PARD3: variants seen among roughly 807,000 people sequenced by gnomAD.
PARD3 encodes partitioning defective 3 homolog.
In PARD3, 75 loss-of-function variants were observed where a neutral mutation model predicts 155.4. That is an observed-to-expected ratio of 0.48 (90% CI 0.40 to 0.58). The LOEUF (loss-of-function observed/expected upper bound fraction) is 0.58, where lower values mean the gene tolerates loss of function less well. Among genes scored for constraint, PARD3 ranks in the 20% least tolerant of loss-of-function variants. The probability of loss-of-function intolerance (pLI) is 0.00; values close to 1 mark genes in which losing one functional copy is unlikely to be tolerated. For missense variants in PARD3, 1,642 were observed against 1,721.7 expected (o/e 0.95, Z 0.82); for synonymous variants, 576 against 610.5 (o/e 0.94, Z 0.83).
In PARD3 at chr10:34,227,145, A is replaced by G. The variant is rs60987405; in HGVS notation, c.3419+42512T>C. Among the ~76,000 whole-genome samples, 1,288 of 152,378 alleles carry G rather than the reference A, an allele frequency of 8.5e-3. 28 individuals carry two copies. Among genetic ancestry groups the G allele is most frequent in the African/African-American group, 0.029 (1,218 of 41,596 alleles). On this transcript the variant is annotated intron_variant, in intron 22 of 24. Transcript: ENST00000374788. ...GACAAAGGTCTAATATCTGGAATCT[A>G]TAAGAAACTTAAATCAACATGCAAA...
At chr10:34,375,081 C>A in intron 10 of PARD3, 79 bp from the exon 11 acceptor site, 2 of 960,668 alleles carry the variant, frequency 2.1e-6, no homozygotes, top group Non-Finnish European at 3.2e-6. Context: ...CACACACACA[C>A]ACACACACAC....
intron 1 of PARD3, among the ~76,000 whole-genome samples, chr10:34,700,384 A>T (rs538452630): frequency 1.3e-5 from 2 of 152,356 alleles, no homozygotes; most frequent in African/African-American, 4.8e-5. Context: ...TGGTAAGAGA[A>T]AACAGTGCAA....
chr10:34,538,785 C>T (rs928225218), intron 2 of PARD3, among the ~76,000 whole-genome samples: 31 of 152,206 alleles, frequency 2.0e-4, no homozygotes, highest in Admixed American at 6.5e-5. Context: ...GGCGCCGCTC[C>T]GGCAGGGCAC....
rs146657203 is a variant in PARD3 at position 34,611,931 on chromosome 10, C to CT, written c.222+84386_222+84387insA. Among the ~76,000 whole-genome samples, 158 of 56,684 alleles carry CT rather than the reference C, an allele frequency of 2.8e-3. 2 individuals carry two copies. The highest frequency in any genetic ancestry group is 7.4e-3 in the African/African-American group (152 of 20,572). 37.2% of individuals were successfully genotyped at this position (56,684 alleles called of 152,430 possible). Reference sequence around the variant, plus strand: ...TTCACACCATTCCCCTGCCTCAGCGCCCCCCCTACCCCCCCGCCCCGAGTA... The same window carrying CT: ...TTCACACCATTCCCCTGCCTCAGCGCTCCCCCCTACCCCCCCGCCCCGAGTA... On this transcript the variant is annotated intron_variant, in intron 2 of 24. Coordinates refer to ENST00000374788, the MANE Select transcript of PARD3 (RefSeq NM_001184785.2).
At chr10:34,133,368 C>A (rs1455265882) in intron 22 of PARD3, among the ~76,000 whole-genome samples, 2 of 152,180 alleles carry the variant, frequency 1.3e-5, no homozygotes, top group Admixed American at 1.3e-4. Flanking sequence ...AGCCACACAC[C>A]CCTGCTGCAT....
chr10:34,487,676 G>T (rs888080446), intron 3 of PARD3, among the ~76,000 whole-genome samples: 6 of 151,468 alleles, frequency 4.0e-5, no homozygotes, highest in African/African-American at 1.2e-4. Context: ...TTGCACTATG[G>T]TCCTTCATGC....
intron 20 of PARD3, among the ~76,000 whole-genome samples, chr10:34,299,515 G>C (rs1488070913): frequency 2.6e-5 from 4 of 152,172 alleles, no homozygotes; most frequent in Non-Finnish European, 5.9e-5. Context: ...TCCCTTTGCT[G>C]ACCAGACTAA....
intron 22 of PARD3, among the ~76,000 whole-genome samples, chr10:34,137,174 T>C (rs760554246): frequency 1.3e-5 from 2 of 152,202 alleles, no homozygotes; most frequent in Non-Finnish European, 2.9e-5. Flanking sequence ...GCTAAACGTG[T>C]GTCATGGTGG....
rs190370043 is a variant in PARD3 at position 34,204,683 on chromosome 10, G to T, written c.3419+64974C>A. Among the ~76,000 whole-genome samples, 311 of 149,562 alleles carry T rather than the reference G, an allele frequency of 2.1e-3. 1 individual carries two copies. The highest frequency in any genetic ancestry group is 7.1e-3 in the African/African-American group (292 of 41,300). On this transcript the variant is annotated intron_variant, in intron 22 of 24. Coordinates refer to ENST00000374788, the MANE Select transcript of PARD3 (RefSeq NM_001184785.2). ...ATCTGCCATACAGGATCATCCTAAG[G>T]GTGTGCTTACGTTACATTCCCCCCT...
chr10:34,814,730 C>G lies in PARD3; in HGVS notation c.120+146G>C, dbSNP rs531126387. ...GAACTTTGGCGCCCGCAGTCCGGGG[C>G]GGGGGGCGCCCGCGAGGCCCGACCG... On this transcript the variant is annotated intron_variant, in intron 1 of 24. Transcript: ENST00000374788. 4.0e-4 allele frequency: 259 copies of G among 647,512 alleles called. 1 individual carries two copies. In the African/African-American group the frequency reaches 4.9e-3, roughly 12 times the overall value. The allele number at this position is 647,512 out of a possible 1,614,324, so 40.1% of individuals were successfully genotyped here.
intron 2 of PARD3, among the ~76,000 whole-genome samples, chr10:34,632,119 T>C (rs764799969): frequency 1.6e-4 from 25 of 152,052 alleles, no homozygotes; most frequent in Admixed American, 2.0e-4. Flanking sequence ...ATTAGCCAGG[T>C]GTGGTGGCAG....
intron 15 of PARD3, chr10:34,345,208 T>C (rs1837279288): frequency 3.0e-6 from 3 of 984,418 alleles, no homozygotes; most frequent in African/African-American, 1.7e-5. Flanking sequence ...ATCTGTTAAA[T>C]GGGAAAGTGT....
intron 12 of PARD3, among the ~76,000 whole-genome samples, chr10:34,364,718 G>A (rs1839801900): frequency 6.6e-6 from 1 of 152,208 alleles, no homozygotes; most frequent in South Asian, 2.1e-4. Flanking sequence ...ATAGGCAAGA[G>A]CCACCATGCC....
At chr10:34,785,413 G>A (rs1840827651) in intron 1 of PARD3, among the ~76,000 whole-genome samples, 2 of 151,938 alleles carry the variant, frequency 1.3e-5, no homozygotes, top group South Asian at 4.1e-4. Flanking sequence ...TAATCTTCTT[G>A]AAGTAAAAGC....
intron 7 of PARD3, among the ~76,000 whole-genome samples, chr10:34,397,182 G>A (rs3898005): frequency 0.04 from 6,164 of 152,264 alleles, 399 homozygotes; most frequent in African/African-American, 0.14. Flanking sequence ...GAATGAGGAA[G>A]GTGGGGATCT....
At chr10:34,378,904 T>C (rs1248462374) in intron 9 of PARD3, among the ~76,000 whole-genome samples, 1 of 152,174 alleles carries the variant, frequency 6.6e-6, no homozygotes, top group Non-Finnish European at 1.5e-5. Flanking sequence ...CAGTCTTACA[T>C]GCTCAATACA....
intron 16 of PARD3, among the ~76,000 whole-genome samples, chr10:34,339,949 G>A (rs969462967): frequency 1.3e-5 from 2 of 152,180 alleles, no homozygotes; most frequent in African/African-American, 4.8e-5. Context: ...TAAAATTCCA[G>A]TTATTAATCC....
At chr10:34,562,709 G>C (rs1333607458) in intron 2 of PARD3, among the ~76,000 whole-genome samples, 1 of 152,008 alleles carries the variant, frequency 6.6e-6, no homozygotes, top group East Asian at 1.9e-4. Flanking sequence ...GGAGAGAGGA[G>C]AGGAAGAGAG....
intron 2 of PARD3, among the ~76,000 whole-genome samples, chr10:34,590,697 T>A (rs563456818): frequency 2.2e-4 from 34 of 152,306 alleles, no homozygotes; most frequent in African/African-American, 8.2e-4. Context: ...AGGGCATCCT[T>A]CCTGGTGTAT....
Sources: gnomAD v4.1 joint callset for allele counts (sites outside exome capture counted in the v4.1 genomes callset) on GRCh38, gnomAD v4.1.1 for gene constraint, MANE v1.5 for transcripts, NCBI Gene and HGNC (gene_info 2026-07-23, HGNC 2026-07-21) for gene names.